Variants in CSMD1 observed in about 807,000 individuals in gnomAD.
The protein encoded by CSMD1 is CUB and Sushi multiple domains 1.
In CSMD1, 213 loss-of-function variants were observed where a neutral mutation model predicts 417.5. That is an observed-to-expected ratio of 0.51 (90% confidence interval 0.46 to 0.57). The LOEUF is 0.57. Ranked by LOEUF, CSMD1 falls within the 20% of genes least tolerant of loss-of-function variation. The pLI, the probability that CSMD1 is intolerant of heterozygous loss-of-function variation, is 0.00. For missense variants in CSMD1, 6,923 were observed against 4,529.7 expected, an observed-to-expected ratio of 1.53 and a Z score of -15.17; for synonymous variants, 2,862 against 1,736.8, an observed-to-expected ratio of 1.65 and a Z score of -16.11.
chr8:4,945,759 G>A (rs1317086682), intron 1 of CSMD1, among the ~76,000 whole-genome samples: 1 of 152,100 alleles, frequency 6.6e-6, no homozygotes, highest in African/African-American at 2.4e-5. Context: ...GCCACCTGGA[G>A]AAGATGATGA....
At chr8:3,917,300 T>A (rs749884096) in intron 5 of CSMD1, among the ~76,000 whole-genome samples, 4 of 152,128 alleles carry the variant, frequency 2.6e-5, no homozygotes, top group Non-Finnish European at 5.9e-5. Context: ...AGGTGATGCG[T>A]TGGGAGTAGC....
At chr8:3,894,177 G>C (rs188792094) in intron 5 of CSMD1, among the ~76,000 whole-genome samples, 50 of 152,224 alleles carry the variant, frequency 3.3e-4, no homozygotes, top group Middle Eastern at 3.4e-3. Context: ...TTCTTTTGCT[G>C]TGTGTCTTTT....
At chr8:4,312,083 C>G (rs1033877028) in intron 3 of CSMD1, among the ~76,000 whole-genome samples, 5 of 152,018 alleles carry the variant, frequency 3.3e-5, no homozygotes, top group African/African-American at 1.2e-4. Context: ...GAATGTGTGT[C>G]AATTTCCAGG....
At chr8:4,184,381 A>C (rs950553554) in intron 3 of CSMD1, among the ~76,000 whole-genome samples, 2 of 152,188 alleles carry the variant, frequency 1.3e-5, no homozygotes, top group Non-Finnish European at 2.9e-5. Context: ...AAAACTAGCT[A>C]TTTCCAATTC....
chr8:4,709,394 G>T (rs2725076), intron 1 of CSMD1, among the ~76,000 whole-genome samples: 140,387 of 152,186 alleles, frequency 0.92, 64,894 homozygotes, highest in East Asian at 0.99. Context: ...GGAGCCAAGG[G>T]ACGAACATAA....
chr8:3,796,089 CT>C (rs1800086592), intron 5 of CSMD1, among the ~76,000 whole-genome samples: 2 of 25,002 alleles, frequency 8.0e-5, no homozygotes, highest in African/African-American at 1.1e-4. Context: ...AGATATATAT[CT>C]ATCATAGATA....
At chr8:4,615,402 T>C (rs1469407747) in intron 2 of CSMD1, among the ~76,000 whole-genome samples, 4 of 152,226 alleles carry the variant, frequency 2.6e-5, no homozygotes, top group Non-Finnish European at 4.4e-5. Flanking sequence ...TGTGAAAGAA[T>C]AGCTCACTGA....
chr8:4,375,758 T>C (rs778579206), intron 3 of CSMD1, among the ~76,000 whole-genome samples: 2 of 152,188 alleles, frequency 1.3e-5, no homozygotes, highest in Non-Finnish European at 2.9e-5. Flanking sequence ...TGCCCTGCCC[T>C]GTCTTTGTAC....
chr8:3,620,580 G>C (rs1352152569), intron 7 of CSMD1, among the ~76,000 whole-genome samples: 3 of 152,116 alleles, frequency 2.0e-5, no homozygotes, highest in Admixed American at 6.6e-5. Context: ...AAGTAAACTG[G>C]TGTCAATTTA....
intron 7 of CSMD1, among the ~76,000 whole-genome samples, chr8:3,698,492 C>A (rs1156759457): frequency 6.6e-6 from 1 of 152,178 alleles, no homozygotes; most frequent in Non-Finnish European, 1.5e-5. Context: ...AAAGCAAGAC[C>A]TACAGCACTT....
intron 1 of CSMD1, among the ~76,000 whole-genome samples, chr8:4,653,689 A>G (rs1804050557): frequency 6.6e-6 from 1 of 152,114 alleles, no homozygotes; most frequent in Non-Finnish European, 1.5e-5. Flanking sequence ...CCAGGCTGAA[A>G]ATAAGCATAA....
intron 5 of CSMD1, among the ~76,000 whole-genome samples, chr8:3,935,129 T>A (rs566378142): frequency 2.0e-5 from 3 of 152,154 alleles, no homozygotes; most frequent in Non-Finnish European, 2.9e-5. Flanking sequence ...TTTCTCTGTA[T>A]GTCAGAAGTA....
At chr8:3,494,152 G>T (rs892953635) in intron 10 of CSMD1, among the ~76,000 whole-genome samples, 3 of 152,064 alleles carry the variant, frequency 2.0e-5, no homozygotes, top group African/African-American at 7.2e-5. Context: ...CATACTTCAT[G>T]GAATTATCCA....
chr8:3,635,729 C>T (rs1473507809), intron 7 of CSMD1, among the ~76,000 whole-genome samples: 10 of 148,334 alleles, frequency 6.7e-5, no homozygotes, highest in South Asian at 2.1e-4. Flanking sequence ...GTGATCTGCC[C>T]GCCTCGGCCT....
intron 3 of CSMD1, among the ~76,000 whole-genome samples, chr8:4,346,392 C>A (rs1254356227): frequency 6.6e-6 from 1 of 152,114 alleles, no homozygotes; most frequent in South Asian, 2.1e-4. Flanking sequence ...ACCCCACAGC[C>A]GAGTTGAACA....
intron 49 of CSMD1, among the ~76,000 whole-genome samples, chr8:3,070,743 G>T (rs1187869190): frequency 6.6e-6 from 1 of 152,084 alleles, no homozygotes; most frequent in Non-Finnish European, 1.5e-5. Flanking sequence ...TTATTCTGAG[G>T]TTTCCAAACC....
intron 3 of CSMD1, among the ~76,000 whole-genome samples, chr8:4,288,471 C>T (rs781055269): frequency 2.2e-4 from 34 of 152,160 alleles, no homozygotes; most frequent in Admixed American, 5.2e-4. Flanking sequence ...GTACTGCTGA[C>T]GATGAGGCTA....
At chr8:4,617,219 A>G (rs1172994743) in intron 2 of CSMD1, among the ~76,000 whole-genome samples, 1 of 152,194 alleles carries the variant, frequency 6.6e-6, no homozygotes, top group African/African-American at 2.4e-5. Flanking sequence ...CTTTATACAA[A>G]TAGTGAATAA....
chr8:3,450,260 A>G (rs759886105), intron 12 of CSMD1, among the ~76,000 whole-genome samples: 1 of 152,158 alleles, frequency 6.6e-6, no homozygotes, highest in African/African-American at 2.4e-5. Context: ...TGACCTAATC[A>G]GGAGTTTCAG....
Sources: gnomAD v4.1 joint callset for allele counts (sites outside exome capture counted in the v4.1 genomes callset) on GRCh38, gnomAD v4.1.1 for gene constraint, MANE v1.5 for transcripts, NCBI Gene and HGNC (gene_info 2026-07-23, HGNC 2026-07-21) for gene names.